Variants in FAT4 observed in about 807,000 individuals in gnomAD.
FAT4 encodes the protein FAT atypical cadherin 4.
Under a neutral mutation model 303.9 loss-of-function variants are expected in FAT4, and 84 were observed. The observed-to-expected ratio is 0.28, with a 90% confidence interval of 0.23 to 0.33. The LOEUF is 0.33. Ranked by LOEUF, FAT4 falls within the 10% of genes least tolerant of loss-of-function variation. The pLI is 1.00. For synonymous variants in FAT4, 2,307 were observed against 2,298.8 expected (o/e 1.00, Z -0.10); for missense variants, 6,005 against 6,146.8 (o/e 0.98, Z 0.77).
At chr4:125,446,685 C>G (rs1307660049) in intron 9 of FAT4, 142 bp downstream of exon 9, 1 of 809,798 alleles carries the variant, frequency 1.2e-6, no homozygotes, top group Admixed American at 3.3e-5. Flanking sequence ...GTTGTTTTGT[C>G]TGATGGAAAT....
intron 2 of FAT4, among the ~76,000 whole-genome samples, chr4:125,386,380 T>G (rs1027840833): frequency 8.5e-5 from 13 of 152,104 alleles, no homozygotes; most frequent in African/African-American, 3.1e-4. Flanking sequence ...GGGGTTCAAG[T>G]GATTCTCCTG....
intron 2 of FAT4, among the ~76,000 whole-genome samples, chr4:125,356,026 G>T (rs115066930): frequency 6.4e-4 from 98 of 152,038 alleles, no homozygotes; most frequent in African/African-American, 2.3e-3. Flanking sequence ...ATTTTCCTCA[G>T]TGGCCTAAAC....
At chr4:125,341,183 A>C (rs1222257097) in intron 2 of FAT4, among the ~76,000 whole-genome samples, 1 of 152,218 alleles carries the variant, frequency 6.6e-6, no homozygotes, top group Non-Finnish European at 1.5e-5. Context: ...TATGCAAGAA[A>C]AAAAATGACA....
intron 9 of FAT4, among the ~76,000 whole-genome samples, chr4:125,447,743 G>T (rs4834039): frequency 0.99 from 151,225 of 152,252 alleles, 75,108 homozygotes; most frequent in Middle Eastern, 1. Flanking sequence ...ATATTTTTAC[G>T]ACAATCTGTT....
chr4:125,318,517 G>A lies in FAT4; in HGVS notation c.2106G>A (p.Glu702=). The A allele has an allele frequency of 6.2e-7, 1 of 1,614,174 alleles. No individual in the cohort carries two copies. The highest frequency in any genetic ancestry group is 2.2e-5 in the East Asian group (1 of 44,878). ...VQYFAHIKEN[E]PGGSYITTVS... ...ACTTTGCTCACATTAAGGAGAATGA[G>A]CCTGGAGGTAGCTACATCACCACTG... Residue 702 remains glutamate, a synonymous_variant, in exon 2 of 18, where the codon GAG becomes GAA. Coordinates refer to ENST00000394329, the MANE Select transcript of FAT4 (RefSeq NM_001291303.3).
At chr4:125,417,224 T>A (rs1735111155) in intron 7 of FAT4, among the ~76,000 whole-genome samples, 1 of 152,148 alleles carries the variant, frequency 6.6e-6, no homozygotes, top group African/African-American at 2.4e-5. Flanking sequence ...ACACTCTACT[T>A]CCTGAGCTAG....
intron 11 of FAT4, among the ~76,000 whole-genome samples, chr4:125,467,383 G>T (rs923924184): frequency 6.6e-6 from 1 of 152,104 alleles, no homozygotes; most frequent in African/African-American, 2.4e-5. Context: ...GACATATAAA[G>T]CCAAAATTAA....
In FAT4 at chr4:125,451,791, C is replaced by T. The variant is rs1249816234; in HGVS notation, c.10781C>T (p.Pro3594Leu). The T allele has an allele frequency of 6.2e-7, 1 of 1,614,150 alleles. No individual in the cohort carries two copies. Among genetic ancestry groups the T allele is most frequent in the East Asian group, 2.2e-5 (1 of 44,878 alleles). ...LSVVTKDSGV[P>L]QMSSTGTVHI... The stretch of plus-strand genomic sequence containing the variant: ...GTGGTTACCAAGGATTCTGGTGTTC[C>T]TCAAATGTCTTCCACAGGAACTGTG... The change falls in exon 10 of 18, where the codon CCT (proline) becomes CTT (leucine). Residue 3594 changes from proline to leucine, a missense_variant. Physicochemically the swap from Pro to Leu is moderately conservative, Grantham distance 98. Coordinates refer to ENST00000394329, the MANE Select transcript of FAT4 (RefSeq NM_001291303.3).
intron 9 of FAT4, 86 bp downstream of exon 9, chr4:125,446,629 A>G (rs1725839091): frequency 1.5e-6 from 2 of 1,311,736 alleles, no homozygotes; most frequent in African/African-American, 1.5e-5. Context: ...TATTTTACAT[A>G]CATATTTCTG....
intron 3 of FAT4, among the ~76,000 whole-genome samples, chr4:125,404,266 TCA>T: frequency 6.6e-6 from 1 of 151,770 alleles, no homozygotes; most frequent in Non-Finnish European, 1.5e-5. Context: ...CCAACTGTAT[TCA>T]CAATCTGCCT....
intron 8 of FAT4, among the ~76,000 whole-genome samples, chr4:125,445,413 G>A (rs539052835): frequency 6.6e-6 from 1 of 152,194 alleles, no homozygotes; most frequent in South Asian, 2.1e-4. Flanking sequence ...GTAGAAACAT[G>A]CAGCCAACTC....
At chr4:125,364,386 C>T (rs1033893397) in intron 2 of FAT4, among the ~76,000 whole-genome samples, 2 of 152,048 alleles carry the variant, frequency 1.3e-5, no homozygotes, top group African/African-American at 2.4e-5. Flanking sequence ...TTTAGCCCCC[C>T]GTGAATTTCA....
chr4:125,489,866 T>TTTTTTTG, intron 17 of FAT4, 35 bp from the exon 18 acceptor site: 1 of 1,124,204 alleles, frequency 8.9e-7, no homozygotes, highest in African/African-American at 1.7e-5. Flanking sequence ...TTTTTTTTTT[T>TTTTTTTG]TTGTAAAAAG....
At chr4:125,342,297 T>A (rs1160575799) in intron 2 of FAT4, among the ~76,000 whole-genome samples, 4 of 152,002 alleles carry the variant, frequency 2.6e-5, no homozygotes, top group Non-Finnish European at 4.4e-5. Flanking sequence ...GTCTTATCAA[T>A]AAGAAGTAGT....
rs1314487913 is a variant in FAT4, at chr4:125,490,909, A to G, written c.14093A>G (p.Asn4698Ser). ...AGCCACTCAGCATGCCCAACTCCCA[A>G]CCCTCTGTCTCGACACAGTCCAGCC... ...SLSHSACPTP[N>S]PLSRHSPAPF... Residue 4698 changes from asparagine to serine, a missense_variant, in exon 18 of 18, where the codon AAC becomes AGC. Physicochemically the swap from Asn to Ser is conservative, Grantham distance 46 (BLOSUM62 1). Transcript: ENST00000394329. 5 of 1,613,698 alleles carry G rather than the reference A, an allele frequency of 3.1e-6. No individual in the cohort carries two copies. Among genetic ancestry groups the G allele is most frequent in the Non-Finnish European group, 4.2e-6 (5 of 1,179,948 alleles).
At chr4:125,412,340 T>A (rs13132307) in intron 5 of FAT4, among the ~76,000 whole-genome samples, 150,457 of 151,864 alleles carry the variant, frequency 0.99, 74,546 homozygotes, top group East Asian at 1. Flanking sequence ...TAATTTTCAG[T>A]TCCTGAGATG....
At chr4:125,404,907 T>C (rs893864048) in intron 3 of FAT4, among the ~76,000 whole-genome samples, 6 of 152,166 alleles carry the variant, frequency 3.9e-5, no homozygotes, top group African/African-American at 1.4e-4. Context: ...TTTCGTTTTG[T>C]TTTTGAGCTG....
chr4:125,342,277 A>C (rs553698602), intron 2 of FAT4, among the ~76,000 whole-genome samples: 1 of 152,158 alleles, frequency 6.6e-6, no homozygotes, highest in African/African-American at 2.4e-5. Context: ...TAAAGCATCA[A>C]ACAGATCTTG....
intron 2 of FAT4, among the ~76,000 whole-genome samples, chr4:125,378,113 A>C (rs1302755406): frequency 6.6e-6 from 1 of 152,144 alleles, no homozygotes; most frequent in Admixed American, 6.5e-5. Flanking sequence ...ATCCTGCTCC[A>C]GATTAACAGA....
Sources: allele counts gnomAD v4.1 joint callset (sites outside exome capture counted in the v4.1 genomes callset), GRCh38; gene constraint gnomAD v4.1.1; transcripts MANE v1.5; gene names NCBI Gene and HGNC (gene_info 2026-07-23, HGNC 2026-07-21).